BEGAIN: variants seen among roughly 807,000 people sequenced by gnomAD.
BEGAIN encodes brain-enriched guanylate kinase-associated protein.
In BEGAIN, 19 loss-of-function variants were observed where a neutral mutation model predicts 35.8. The ratio of observed to expected loss-of-function variants is 0.53; its 90% CI spans 0.37 to 0.78. BEGAIN has a LOEUF of 0.78. Among genes scored for constraint, BEGAIN ranks in the 30% least tolerant of loss-of-function variants. The pLI is 0.00. For missense variants in BEGAIN, 795 were observed against 853.6 expected (o/e 0.93, Z 0.85); for synonymous variants, 462 against 388.6 (o/e 1.19, Z -2.22).
intron 2 of BEGAIN, among the ~76,000 whole-genome samples, chr14:100,557,049 G>A (rs569040677): frequency 6.6e-6 from 1 of 151,944 alleles, no homozygotes; most frequent in African/African-American, 2.4e-5. Flanking sequence ...CAGTCCCAGC[G>A]CCGGCTCTGC....
chr14:100,575,049 G>A (rs1257338838), intron 1 of BEGAIN, among the ~76,000 whole-genome samples: 1 of 152,214 alleles, frequency 6.6e-6, no homozygotes, highest in Non-Finnish European at 1.5e-5. Context: ...CAGTGAAGAG[G>A]AGGACCAGAG....
chr14:100,581,605 A>C (rs868565260), intron 1 of BEGAIN, among the ~76,000 whole-genome samples: 4 of 152,176 alleles, frequency 2.6e-5, no homozygotes, highest in Non-Finnish European at 5.9e-5. Context: ...AGGACAGCCA[A>C]AGGCTCTATT....
At chr14:100,570,283 G>C (rs1054448266) in intron 1 of BEGAIN, among the ~76,000 whole-genome samples, 3 of 152,250 alleles carry the variant, frequency 2.0e-5, no homozygotes, top group Admixed American at 1.3e-4. Context: ...GAAGGGAACT[G>C]GGGGGAAAGG....
intron 1 of BEGAIN, among the ~76,000 whole-genome samples, chr14:100,583,611 C>T (rs536572355): frequency 2.6e-5 from 4 of 152,044 alleles, no homozygotes; most frequent in South Asian, 2.1e-4. Context: ...CCTCTCCTCC[C>T]GTCCATCTAT....
At chr14:100,583,157 C>T (rs557422949) in intron 1 of BEGAIN, among the ~76,000 whole-genome samples, 1 of 152,030 alleles carries the variant, frequency 6.6e-6, no homozygotes, top group East Asian at 1.9e-4. Flanking sequence ...CCTGCCCATC[C>T]CTCCATGTCT....
intron 2 of BEGAIN, 144 bp from the exon 3 acceptor site, chr14:100,546,806 A>C: frequency 1.7e-6 from 1 of 594,768 alleles, no homozygotes; most frequent in Non-Finnish European, 2.6e-6. Context: ...ACACACACAC[A>C]CACACACTCA....
chr14:100,543,471 C>T (rs955192392), intron 5 of BEGAIN, among the ~76,000 whole-genome samples: 4 of 152,176 alleles, frequency 2.6e-5, no homozygotes, highest in Admixed American at 6.5e-5. Context: ...GGCAGCCACA[C>T]GGCTGTGATG....
At position 100,542,481 on chromosome 14, in the gene BEGAIN, C is replaced by T. The variant is rs186811337; in HGVS notation, c.408+1377G>A. Among the ~76,000 whole-genome samples, 17 of 152,332 alleles carry T rather than the reference C, an allele frequency of 1.1e-4. No homozygotes were observed. In the East Asian group the frequency reaches 1.9e-3, roughly 17 times the overall value. On this transcript the variant is annotated intron_variant, in intron 5 of 6. Coordinates refer to ENST00000554140, the MANE Select transcript of BEGAIN (RefSeq NM_001385089.1). ...CGGCCTTCACGCTCAACTCCAGACCCGGGCCTCCTGCTGCCCTGGTGACAT... is the reference window on the plus strand; with the variant it reads ...CGGCCTTCACGCTCAACTCCAGACCTGGGCCTCCTGCTGCCCTGGTGACAT...
chr14:100,583,312 C>G (rs2035361314), intron 1 of BEGAIN, among the ~76,000 whole-genome samples: 1 of 152,158 alleles, frequency 6.6e-6, no homozygotes, highest in Non-Finnish European at 1.5e-5. Flanking sequence ...CTTCCAGTGT[C>G]CATTCATTCC....
At chr14:100,579,867 C>G (rs558554338) in intron 1 of BEGAIN, among the ~76,000 whole-genome samples, 1 of 152,350 alleles carries the variant, frequency 6.6e-6, no homozygotes, top group South Asian at 2.1e-4. Context: ...CTGGCCACCT[C>G]CCTGCATCCT....
chr14:100,540,197 AGC>A, intron 6 of BEGAIN: 1 of 431,152 alleles, frequency 2.3e-6, no homozygotes, highest in Admixed American at 3.6e-5. Flanking sequence ...CTGCCGTGTC[AGC>A]GCTCAGTGGA....
intron 1 of BEGAIN, among the ~76,000 whole-genome samples, chr14:100,583,632 C>CTCTT (rs113746273): frequency 2.1e-5 from 3 of 141,012 alleles, no homozygotes; most frequent in African/African-American, 7.5e-5. Context: ...CCCTCTTTCT[C>CTCTT]TCTTTCTTTC....
At chr14:100,577,585 T>A in intron 1 of BEGAIN, 1 of 398,964 alleles carries the variant, frequency 2.5e-6, no homozygotes, top group Non-Finnish European at 4.4e-6. Flanking sequence ...GGTCCCAGGG[T>A]CCAGAACCCG....
chr14:100,568,475 C>T lies in BEGAIN; in HGVS notation c.43-536G>A, dbSNP rs1041910148. On this transcript the variant is annotated intron_variant, in intron 1 of 6. Coordinates refer to ENST00000554140, the MANE Select transcript of BEGAIN (RefSeq NM_001385089.1). The surrounding 1 kb of genome is among the most constrained non-coding windows in gnomAD (Gnocchi z 7.5). ...CCGAGGGCGATGGCATTTGGAGCCT[C>T]GACTCCTCAATCAGGGACCCGCTGC... 6 of 1,285,890 alleles carry T rather than the reference C, an allele frequency of 4.7e-6. No individual in the cohort carries two copies. The highest frequency in any genetic ancestry group is 5.1e-6 in the Non-Finnish European group (5 of 987,016). 79.7% of individuals were successfully genotyped at this position (1,285,890 alleles called of 1,614,324 possible). A position where few individuals can be genotyped will look rare whatever the true frequency, so the allele number is the denominator to read the frequency against.
intron 2 of BEGAIN, chr14:100,548,206 T>G (rs1595117797): frequency 6.6e-6 from 1 of 152,170 alleles, no homozygotes; most frequent in Non-Finnish European, 1.5e-5. Context: ...TCTGGGACAG[T>G]GCTCAGGCCT....
At chr14:100,571,887 C>G (rs944314223) in intron 1 of BEGAIN, among the ~76,000 whole-genome samples, 1 of 152,226 alleles carries the variant, frequency 6.6e-6, no homozygotes, top group Non-Finnish European at 1.5e-5. Context: ...GCCGGGGCCT[C>G]CCTTCCCTGA....
intron 1 of BEGAIN, chr14:100,577,813 G>A (rs184464500): frequency 7.0e-5 from 28 of 399,298 alleles, no homozygotes; most frequent in African/African-American, 5.7e-4. Context: ...GCTGGGGCTT[G>A]GCATGTGGCT....
chr14:100,550,948 GTC>G (rs1365942507), intron 2 of BEGAIN, among the ~76,000 whole-genome samples: 2 of 152,188 alleles, frequency 1.3e-5, no homozygotes, highest in Non-Finnish European at 2.9e-5. Flanking sequence ...CTGGTCCATT[GTC>G]TCAACCTCAG....
chr14:100,538,406 A>G lies in BEGAIN; in HGVS notation c.1402T>C (p.Tyr468His). 1 of 1,569,500 alleles carries G rather than the reference A, an allele frequency of 6.4e-7. No individual in the cohort carries two copies. The highest frequency in any genetic ancestry group is 8.6e-7 in the Non-Finnish European group (1 of 1,162,146). Residue 468 changes from tyrosine (Y) to histidine (H), a missense_variant, in exon 7 of 7, where the codon TAC (tyrosine) becomes CAC (histidine). Around this residue, in one of 3 missense-constraint regions of BEGAIN, gnomAD observed 664 missense variants for 647.7 expected, o/e 1.03. Transcript: ENST00000554140. Reference sequence around the variant, plus strand: ...CCCGGGCTGCCCCCGGCCCCGCCGTAGTAGCGTTCAGAGAAGCTGCAGGGT... The same window carrying G: ...CCCGGGCTGCCCCCGGCCCCGCCGTGGTAGCGTTCAGAGAAGCTGCAGGGT... ...ASPCSFSERYYGGAGGSPGKK... is the reference protein window; with the variant it reads ...ASPCSFSERYHGGAGGSPGKK...
Sources: gnomAD v4.1 joint callset for allele counts (sites outside exome capture counted in the v4.1 genomes callset) on GRCh38, gnomAD v4.1.1 for gene constraint, gnomAD v4.1.1 regional missense constraint, Gnocchi (gnomAD v3.1) non-coding constraint, MANE v1.5 for transcripts, NCBI Gene and HGNC (gene_info 2026-07-23, HGNC 2026-07-21) for gene names.